Variants in FHIT observed in about 807,000 individuals in gnomAD.
FHIT encodes fragile histidine triad diadenosine triphosphatase.
In FHIT, 19 loss-of-function variants were observed where a neutral mutation model predicts 17.9. That is an observed-to-expected ratio of 1.06 (90% confidence interval 0.74 to 1.56). The LOEUF (loss-of-function observed/expected upper bound fraction) is 1.56, where lower values mean the gene tolerates loss of function less well. Among genes scored for constraint, FHIT ranks in the 40% most tolerant of loss-of-function variants. FHIT has a pLI of 0.00. For missense variants in FHIT, 248 were observed against 189.2 expected (o/e 1.31, Z -1.82); for synonymous variants, 81 against 69.7 (o/e 1.16, Z -0.81).
rs1292373651 is a variant in FHIT at position 60,114,072 on chromosome 3, T to TATATATAA, written c.104-99921_104-99920insTTATATAT. Reference sequence around the variant, plus strand: ...ATATATATATATATATATATATATATAATGTTATATGTATCTTACCACAAT... The same window carrying TATATATAA: ...ATATATATATATATATATATATATATATATATAAAATGTTATATGTATCTTACCACAAT... On this transcript the variant is annotated intron_variant, in intron 5 of 9. Transcript: ENST00000492590. Among the ~76,000 whole-genome samples the TATATATAA allele has an allele frequency of 7.1e-3, 584 of 82,068 alleles. 17 individuals carry two copies. Among genetic ancestry groups the TATATATAA allele is most frequent in the Middle Eastern group, 0.013 (2 of 150 alleles). 53.8% of individuals were successfully genotyped at this position (82,068 alleles called of 152,430 possible).
chr3:60,612,445 A>C (rs1332458799), intron 4 of FHIT, among the ~76,000 whole-genome samples: 1 of 152,240 alleles, frequency 6.6e-6, no homozygotes, highest in Non-Finnish European at 1.5e-5. Context: ...TAAAACAAAA[A>C]GCAAAACAAA....
At chr3:61,019,051 C>T (rs2032266184) in intron 3 of FHIT, among the ~76,000 whole-genome samples, 1 of 152,162 alleles carries the variant, frequency 6.6e-6, no homozygotes, top group Admixed American at 6.5e-5. Flanking sequence ...TTAAACTTTG[C>T]TTTTCCTGTT....
At chr3:60,010,325 G>A (rs1700091699) in intron 7 of FHIT, among the ~76,000 whole-genome samples, 1 of 152,134 alleles carries the variant, frequency 6.6e-6, no homozygotes, top group African/African-American at 2.4e-5. Flanking sequence ...GCAATTAGGA[G>A]GCTAGCCCTT....
At chr3:60,052,235 G>T (rs1701909489) in intron 5 of FHIT, among the ~76,000 whole-genome samples, 1 of 152,106 alleles carries the variant, frequency 6.6e-6, no homozygotes, top group African/African-American at 2.4e-5. Flanking sequence ...ACAAGCAACA[G>T]CATTAATTCT....
chr3:60,983,718 G>T (rs571390916), intron 3 of FHIT, among the ~76,000 whole-genome samples: 2 of 152,164 alleles, frequency 1.3e-5, no homozygotes, highest in Admixed American at 6.5e-5. Context: ...TGGGTAGGAA[G>T]GTGATGACTG....
At chr3:61,196,351 T>C (rs9823902) in intron 2 of FHIT, among the ~76,000 whole-genome samples, 36,429 of 151,848 alleles carry the variant, frequency 0.24, 5,467 homozygotes, top group East Asian at 0.71. Context: ...TAATTTGTAA[T>C]GCATATAAGT....
chr3:60,555,186 C>T (rs1459588971), intron 4 of FHIT, among the ~76,000 whole-genome samples: 1 of 152,186 alleles, frequency 6.6e-6, no homozygotes, highest in Non-Finnish European at 1.5e-5. Context: ...GAATCCAAAG[C>T]CGTCCCAAAC....
chr3:60,424,424 A>G (rs1225128101), intron 5 of FHIT, among the ~76,000 whole-genome samples: 2 of 152,176 alleles, frequency 1.3e-5, no homozygotes, highest in Non-Finnish European at 2.9e-5. Flanking sequence ...AAAGTAAACA[A>G]AATGTATTTC....
At chr3:61,148,956 T>A (rs1015890399) in intron 2 of FHIT, among the ~76,000 whole-genome samples, 7 of 152,224 alleles carry the variant, frequency 4.6e-5, no homozygotes, top group African/African-American at 1.7e-4. Flanking sequence ...CTTCTGGATC[T>A]TCATGCCACA....
intron 4 of FHIT, among the ~76,000 whole-genome samples, chr3:60,728,629 T>C (rs1192687863): frequency 3.3e-5 from 5 of 151,984 alleles, no homozygotes; most frequent in African/African-American, 9.7e-5. Context: ...TTACTAAATC[T>C]GGGGCATATT....
chr3:60,246,426 G>C (rs571309932), intron 5 of FHIT, among the ~76,000 whole-genome samples: 32 of 152,192 alleles, frequency 2.1e-4, no homozygotes, highest in African/African-American at 7.7e-4. Flanking sequence ...ACAGTTCACA[G>C]GTTTCTTAAC....
intron 5 of FHIT, among the ~76,000 whole-genome samples, chr3:60,103,745 C>T (rs1285351540): frequency 2.6e-5 from 4 of 152,266 alleles, no homozygotes; most frequent in East Asian, 1.9e-4. Flanking sequence ...CTTTTTCCAA[C>T]GTTTTCAGCT....
chr3:60,407,804 A>C (rs532406207), intron 5 of FHIT, among the ~76,000 whole-genome samples: 1 of 152,230 alleles, frequency 6.6e-6, no homozygotes, highest in South Asian at 2.1e-4. Context: ...AATGTGAGCC[A>C]CTGCACCTGA....
intron 4 of FHIT, among the ~76,000 whole-genome samples, chr3:60,743,874 C>T (rs1293909574): frequency 6.6e-6 from 1 of 152,220 alleles, no homozygotes; most frequent in African/African-American, 2.4e-5. Flanking sequence ...GCTCAGCTCG[C>T]TCTGTTTGGC....
intron 5 of FHIT, among the ~76,000 whole-genome samples, chr3:60,382,468 C>A (rs548955046): frequency 6.6e-6 from 1 of 152,200 alleles, no homozygotes; most frequent in African/African-American, 2.4e-5. Context: ...TGGGTCTAAT[C>A]TGAGACAATT....
At chr3:60,078,523 A>G (rs1476297031) in intron 5 of FHIT, among the ~76,000 whole-genome samples, 4 of 152,164 alleles carry the variant, frequency 2.6e-5, no homozygotes, top group East Asian at 1.9e-4. Flanking sequence ...AAAGAACACT[A>G]AAAGACAGGA....
intron 7 of FHIT, among the ~76,000 whole-genome samples, chr3:59,977,207 C>G (rs1471620085): frequency 6.6e-6 from 1 of 152,074 alleles, no homozygotes; most frequent in Non-Finnish European, 1.5e-5. Context: ...AAGTGTTTTT[C>G]CCAATATCAT....
intron 8 of FHIT, among the ~76,000 whole-genome samples, chr3:59,812,439 G>C (rs1700441065): frequency 6.6e-6 from 1 of 152,188 alleles, no homozygotes; most frequent in Non-Finnish European, 1.5e-5. Context: ...CTGCCTAAAA[G>C]CCAAGCGCTG....
intron 1 of FHIT, among the ~76,000 whole-genome samples, chr3:61,240,462 G>T (rs998271860): frequency 6.6e-6 from 1 of 152,130 alleles, no homozygotes; most frequent in African/African-American, 2.4e-5. Flanking sequence ...CCCAGGGTGG[G>T]CATTTGCTCC....
Sources: gnomAD v4.1 joint callset for allele counts (sites outside exome capture counted in the v4.1 genomes callset) on GRCh38, gnomAD v4.1.1 for gene constraint, MANE v1.5 for transcripts, NCBI Gene and HGNC (gene_info 2026-07-23, HGNC 2026-07-21) for gene names.